Variants in DLG2 observed in about 807,000 individuals in gnomAD.
DLG2 encodes the protein discs large MAGUK scaffold protein 2.
DLG2 carries 45 observed loss-of-function variants against 132.5 expected under a neutral mutation model. That is an observed-to-expected ratio of 0.34 (90% CI 0.27 to 0.44). The LOEUF is 0.44. DLG2 is among the 20% of genes least tolerant of loss of function. DLG2 has a pLI of 1.00. For synonymous variants in DLG2, 424 were observed against 419.6 expected, an observed-to-expected ratio of 1.01 and a Z score of -0.13; for missense variants, 1,045 against 1,196.9, an observed-to-expected ratio of 0.87 and a Z score of 1.87.
At chr11:83,956,799 G>C (rs1395170264) in intron 14 of DLG2, among the ~76,000 whole-genome samples, 2 of 152,186 alleles carry the variant, frequency 1.3e-5, no homozygotes, top group East Asian at 3.9e-4. Context: ...CTGATCCTTC[G>C]AGAGCTTGTT....
At chr11:84,634,359 T>A (rs2099637099) in intron 6 of DLG2, among the ~76,000 whole-genome samples, 1 of 152,228 alleles carries the variant, frequency 6.6e-6, no homozygotes, top group African/African-American at 2.4e-5. Context: ...GCCTAAACTG[T>A]CTACTTATTT....
At chr11:84,227,001 GCTTGAA>G (rs2097007079) in intron 8 of DLG2, among the ~76,000 whole-genome samples, 1 of 152,050 alleles carries the variant, frequency 6.6e-6, no homozygotes. Context: ...CAGGAGAATG[GCTTGAA>G]CCCAGGAGTC....
intron 4 of DLG2, among the ~76,000 whole-genome samples, chr11:85,265,854 A>G (rs773178004): frequency 2.6e-5 from 4 of 152,216 alleles, no homozygotes; most frequent in Non-Finnish European, 5.9e-5. Context: ...GTGACCTGCC[A>G]TTCCCATTCC....
intron 3 of DLG2, among the ~76,000 whole-genome samples, chr11:85,423,104 T>C (rs2090447195): frequency 6.6e-6 from 1 of 152,170 alleles, no homozygotes; most frequent in Non-Finnish European, 1.5e-5. Flanking sequence ...CTGAAGGCTG[T>C]TGTTCAGATT....
intron 7 of DLG2, among the ~76,000 whole-genome samples, chr11:84,527,547 C>A (rs984975774): frequency 6.6e-6 from 1 of 152,174 alleles, no homozygotes; most frequent in Non-Finnish European, 1.5e-5. Context: ...TCCAGCAAAG[C>A]TTCCCAGAAC....
At chr11:85,507,095 T>A (rs979850086) in intron 3 of DLG2, among the ~76,000 whole-genome samples, 5 of 152,212 alleles carry the variant, frequency 3.3e-5, no homozygotes, top group Admixed American at 3.3e-4. Flanking sequence ...ATTTTAAGCC[T>A]ATGTGTGTGT....
intron 6 of DLG2, among the ~76,000 whole-genome samples, chr11:84,681,198 G>A (rs899983357): frequency 6.6e-6 from 1 of 152,184 alleles, no homozygotes; most frequent in African/African-American, 2.4e-5. Context: ...GTGACTTACT[G>A]TCCTGAGGAC....
At chr11:85,372,189 G>A (rs1279360939) in intron 3 of DLG2, among the ~76,000 whole-genome samples, 1 of 152,158 alleles carries the variant, frequency 6.6e-6, no homozygotes, top group African/African-American at 2.4e-5. Flanking sequence ...CAGTTATCCT[G>A]CAAATCCTGC....
chr11:83,623,913 T>C (rs971616566), intron 19 of DLG2, among the ~76,000 whole-genome samples: 1 of 152,204 alleles, frequency 6.6e-6, no homozygotes. Flanking sequence ...TTTACTATTC[T>C]GTTCTCCTTT....
At chr11:83,597,279 C>T (rs932140416) in intron 19 of DLG2, among the ~76,000 whole-genome samples, 2 of 151,868 alleles carry the variant, frequency 1.3e-5, no homozygotes, top group African/African-American at 2.4e-5. Flanking sequence ...GGATATATCT[C>T]TAATTCAACT....
chr11:84,292,713 A>G (rs2098021197), intron 7 of DLG2, among the ~76,000 whole-genome samples: 1 of 152,170 alleles, frequency 6.6e-6, no homozygotes, highest in African/African-American at 2.4e-5. Context: ...TTTAGATGCG[A>G]GAAATTACAT....
At chr11:83,925,998 T>C (rs1200580741) in intron 15 of DLG2, among the ~76,000 whole-genome samples, 1 of 152,296 alleles carries the variant, frequency 6.6e-6, no homozygotes, top group Middle Eastern at 3.4e-3. Flanking sequence ...TCTGCACATT[T>C]CTTGCTTCTG....
At chr11:84,060,032 G>C (rs1350688790) in intron 10 of DLG2, among the ~76,000 whole-genome samples, 1 of 152,124 alleles carries the variant, frequency 6.6e-6, no homozygotes. Flanking sequence ...AACCTATTAG[G>C]TTGGGCGCAG....
chr11:84,473,523 T>C (rs1379724484), intron 7 of DLG2, among the ~76,000 whole-genome samples: 1 of 151,992 alleles, frequency 6.6e-6, no homozygotes, highest in African/African-American at 2.4e-5. Flanking sequence ...TAAATGGGTA[T>C]TGCATGGAAG....
chr11:85,058,380 A>C (rs1462108473), intron 6 of DLG2, among the ~76,000 whole-genome samples: 1 of 151,624 alleles, frequency 6.6e-6, no homozygotes, highest in Non-Finnish European at 1.5e-5. Flanking sequence ...ATTGAAAGAA[A>C]TTAAAGAAGA....
At chr11:83,972,786 G>T (rs2091570688) in intron 12 of DLG2, among the ~76,000 whole-genome samples, 1 of 152,096 alleles carries the variant, frequency 6.6e-6, no homozygotes, top group African/African-American at 2.4e-5. Flanking sequence ...GGTCATTCAA[G>T]CAACAATACA....
intron 5 of DLG2, among the ~76,000 whole-genome samples, chr11:85,117,226 C>A (rs1481045385): frequency 6.6e-6 from 1 of 151,956 alleles, no homozygotes; most frequent in Non-Finnish European, 1.5e-5. Context: ...GAGATTTAGG[C>A]CCAGAAGGGG....
intron 14 of DLG2, among the ~76,000 whole-genome samples, chr11:83,935,210 T>C (rs790365): frequency 0.16 from 24,572 of 152,082 alleles, 2,326 homozygotes; most frequent in East Asian, 0.31. Context: ...TTGCCAGATA[T>C]CATTTGAGGA....
chr11:84,494,528 A>G (rs1479628824), intron 7 of DLG2, among the ~76,000 whole-genome samples: 3 of 152,194 alleles, frequency 2.0e-5, no homozygotes, highest in Non-Finnish European at 4.4e-5. Context: ...GATGGAGAAG[A>G]TAGAGTCAGG....
Sources: allele counts gnomAD v4.1 joint callset (sites outside exome capture counted in the v4.1 genomes callset), GRCh38; gene constraint gnomAD v4.1.1; transcripts MANE v1.5; gene names NCBI Gene and HGNC (gene_info 2026-07-23, HGNC 2026-07-21).